The following KCNIP4 variants were observed in gnomAD, a reference collection of about 807,000 sequenced individuals.
KCNIP4 encodes potassium voltage-gated channel interacting protein 4, also known as Kv channel-interacting protein 4.
Under a neutral mutation model 34.0 loss-of-function variants are expected in KCNIP4, and 12 were observed. The ratio of observed to expected loss-of-function variants is 0.35; its 90% CI spans 0.23 to 0.57. The LOEUF is 0.57. KCNIP4 is among the 20% of genes least tolerant of loss of function. The pLI is 0.83. For missense variants in KCNIP4, 238 were observed against 311.7 expected, an observed-to-expected ratio of 0.76 and a Z score of 1.78; for synonymous variants, 124 against 102.2, an observed-to-expected ratio of 1.21 and a Z score of -1.29.
At chr4:20,817,888 G>A (rs1397305888) in intron 3 of KCNIP4, among the ~76,000 whole-genome samples, 1 of 152,132 alleles carries the variant, frequency 6.6e-6, no homozygotes, top group Non-Finnish European at 1.5e-5. Flanking sequence ...CTAACTTCTT[G>A]AGCGTAGAGT....
At chr4:20,847,751 A>G (rs1720547937) in intron 3 of KCNIP4, among the ~76,000 whole-genome samples, 2 of 152,178 alleles carry the variant, frequency 1.3e-5, no homozygotes, top group Admixed American at 6.6e-5. Context: ...GGTCATATTT[A>G]CTTGCAGGGG....
Position 21,296,022 on chromosome 4 carries a change from C to A in KCNIP4, c.62-413313G>T, listed in dbSNP as rs914717957. ...TGTATCTCAAAACTCAGCAGATGAA[C>A]TTGCAAGAATGGAGGCTTTATCTGT... On this transcript the variant is annotated intron_variant, in intron 1 of 8. Transcript: ENST00000382152. Among the ~76,000 whole-genome samples the A allele has an allele frequency of 7.2e-5, 11 of 152,236 alleles. No individual in the cohort carries two copies. In the East Asian group the frequency reaches 1.7e-3, roughly 24 times the overall value.
chr4:20,917,950 C>T (rs975502985), intron 1 of KCNIP4, among the ~76,000 whole-genome samples: 6 of 152,154 alleles, frequency 3.9e-5, no homozygotes, highest in Non-Finnish European at 7.4e-5. Context: ...CTAATTTTCA[C>T]ATGACACAGC....
At chr4:21,249,224 G>T (rs1215636391) in intron 1 of KCNIP4, among the ~76,000 whole-genome samples, 1 of 152,014 alleles carries the variant, frequency 6.6e-6, no homozygotes, top group Non-Finnish European at 1.5e-5. Context: ...ATACAAACAT[G>T]CATGCATACA....
At chr4:20,863,266 A>C (rs1476959744) in intron 2 of KCNIP4, among the ~76,000 whole-genome samples, 3 of 151,914 alleles carry the variant, frequency 2.0e-5, no homozygotes, top group African/African-American at 7.3e-5. Flanking sequence ...TGGAGATGGA[A>C]CCATAGGGGG....
intron 1 of KCNIP4, among the ~76,000 whole-genome samples, chr4:21,307,752 C>T (rs1375427330): frequency 1.3e-5 from 2 of 150,590 alleles, no homozygotes; most frequent in African/African-American, 2.5e-5. Context: ...TGAGAGATTT[C>T]CATACTTTTT....
At chr4:21,412,873 T>C (rs1724626801) in intron 1 of KCNIP4, among the ~76,000 whole-genome samples, 1 of 152,216 alleles carries the variant, frequency 6.6e-6, no homozygotes, top group South Asian at 2.1e-4. Flanking sequence ...TAGGTCATGC[T>C]GACATTGGTA....
chr4:21,759,297 C>G (rs1439009624), intron 1 of KCNIP4, among the ~76,000 whole-genome samples: 2 of 152,162 alleles, frequency 1.3e-5, no homozygotes, highest in Non-Finnish European at 2.9e-5. Flanking sequence ...TTTGATTGCT[C>G]TTTTAATTTA....
At chr4:20,824,206 C>CTG (rs557042865) in intron 3 of KCNIP4, among the ~76,000 whole-genome samples, 25 of 152,128 alleles carry the variant, frequency 1.6e-4, no homozygotes, top group African/African-American at 5.5e-4. Flanking sequence ...GCATTTGTGT[C>CTG]TGTGTGTGTG....
intron 1 of KCNIP4, among the ~76,000 whole-genome samples, chr4:21,190,226 G>A (rs1217766483): frequency 6.6e-6 from 1 of 152,166 alleles, no homozygotes; most frequent in Non-Finnish European, 1.5e-5. Flanking sequence ...CAATCTTGGA[G>A]TTCTGATTAC....
chr4:21,796,301 TC>T (rs1242134471), intron 1 of KCNIP4, among the ~76,000 whole-genome samples: 1 of 152,076 alleles, frequency 6.6e-6, no homozygotes, highest in Non-Finnish European at 1.5e-5. Flanking sequence ...TCTCCAAAAC[TC>T]CCTCCCTACA....
intron 1 of KCNIP4, among the ~76,000 whole-genome samples, chr4:20,895,030 C>A (rs946260944): frequency 6.6e-6 from 1 of 152,174 alleles, no homozygotes; most frequent in African/African-American, 2.4e-5. Flanking sequence ...TAAAGATGCA[C>A]GCAGTTTGTA....
At chr4:21,469,478 C>T (rs1278433587) in intron 1 of KCNIP4, among the ~76,000 whole-genome samples, 1 of 152,182 alleles carries the variant, frequency 6.6e-6, no homozygotes, top group Non-Finnish European at 1.5e-5. Context: ...TTCAAATATA[C>T]TATGAAATAA....
chr4:21,890,421 T>C (rs772775332), intron 1 of KCNIP4, among the ~76,000 whole-genome samples: 32 of 152,192 alleles, frequency 2.1e-4, no homozygotes, highest in Non-Finnish European at 2.9e-4. Context: ...TCTGGGAATG[T>C]TCTTCATAGA....
chr4:21,720,589 T>C (rs1240804067), intron 1 of KCNIP4, among the ~76,000 whole-genome samples: 2 of 151,746 alleles, frequency 1.3e-5, no homozygotes, highest in Admixed American at 1.3e-4. Context: ...CGTGCAGGTT[T>C]GTTACATATG....
At chr4:20,979,407 T>C (rs1264766963) in intron 1 of KCNIP4, among the ~76,000 whole-genome samples, 2 of 150,542 alleles carry the variant, frequency 1.3e-5, no homozygotes, top group African/African-American at 4.9e-5. Flanking sequence ...TTCTTTTTTT[T>C]TTTTTTTTTG....
intron 1 of KCNIP4, among the ~76,000 whole-genome samples, chr4:21,606,139 G>C (rs916095656): frequency 2.0e-5 from 3 of 152,144 alleles, no homozygotes; most frequent in Admixed American, 2.0e-4. Context: ...GGAGCTTGGG[G>C]TGGTGGCCAT....
intron 3 of KCNIP4, among the ~76,000 whole-genome samples, chr4:20,825,626 G>A (rs1717664532): frequency 6.6e-6 from 1 of 152,188 alleles, no homozygotes; most frequent in African/African-American, 2.4e-5. Flanking sequence ...GCCAGAGCTA[G>A]GCAGGCATGA....
chr4:20,971,067 G>A (rs1232446835), intron 1 of KCNIP4, among the ~76,000 whole-genome samples: 1 of 152,176 alleles, frequency 6.6e-6, no homozygotes, highest in Non-Finnish European at 1.5e-5. Flanking sequence ...AGAATCATGT[G>A]AACACCTGAG....
Sources: allele counts gnomAD v4.1 joint callset (sites outside exome capture counted in the v4.1 genomes callset), GRCh38; gene constraint gnomAD v4.1.1; transcripts MANE v1.5; gene names NCBI Gene and HGNC (gene_info 2026-07-23, HGNC 2026-07-21).